The following MACROD2 variants were observed in gnomAD, a reference collection of about 807,000 sequenced individuals.
MACROD2 encodes ADP-ribose glycohydrolase MACROD2.
In MACROD2, 36 loss-of-function variants were observed where a neutral mutation model predicts 70.4. The ratio of observed to expected loss-of-function variants is 0.51; its 90% CI spans 0.39 to 0.68. The LOEUF (loss-of-function observed/expected upper bound fraction) is 0.68, where lower values mean the gene tolerates loss of function less well. MACROD2 is among the 30% of genes least tolerant of loss of function. The pLI is 0.00. For synonymous variants in MACROD2, 172 were observed against 178.8 expected, an observed-to-expected ratio of 0.96 and a Z score of 0.30; for missense variants, 496 against 538.4, an observed-to-expected ratio of 0.92 and a Z score of 0.78.
chr20:15,854,892 T>C (rs530718349), intron 8 of MACROD2, among the ~76,000 whole-genome samples: 2 of 152,330 alleles, frequency 1.3e-5, no homozygotes, highest in African/African-American at 4.8e-5. Context: ...AATTCACTTA[T>C]TAAGCAGCAG....
intron 7 of MACROD2, among the ~76,000 whole-genome samples, chr20:15,457,782 G>A (rs1395972520): frequency 6.6e-6 from 1 of 152,030 alleles, no homozygotes; most frequent in Non-Finnish European, 1.5e-5. Flanking sequence ...CCTAGGAGAT[G>A]CCTGGTGTCC....
rs574527190 is a variant in MACROD2, at chr20:15,474,406, G to T, written c.572-25368G>T. ...CCTTGCACAGCGTTGACATCTGAGCGGGGATAGTGTGAGCAAAAGATAATG... is the reference window on the plus strand; with the variant it reads ...CCTTGCACAGCGTTGACATCTGAGCTGGGATAGTGTGAGCAAAAGATAATG... On this transcript the variant is annotated intron_variant, in intron 7 of 17. Transcript: ENST00000684519. 5.3e-5 allele frequency among the ~76,000 whole-genome samples: 8 copies of T among 152,268 alleles called. No homozygotes were observed. In the South Asian group the frequency reaches 1.7e-3, roughly 32 times the overall value.
intron 6 of MACROD2, among the ~76,000 whole-genome samples, chr20:15,405,936 T>G (rs2045994096): frequency 6.6e-6 from 1 of 152,162 alleles, no homozygotes; most frequent in African/African-American, 2.4e-5. Flanking sequence ...CTCACCAACA[T>G]AACTTCAGCG....
chr20:14,522,742 C>G (rs1193062943), intron 4 of MACROD2, among the ~76,000 whole-genome samples: 2 of 152,174 alleles, frequency 1.3e-5, no homozygotes, highest in Non-Finnish European at 2.9e-5. Flanking sequence ...TCTTCTGGTC[C>G]ATTCTGTGGC....
chr20:15,329,288 G>A (rs1429575778), intron 6 of MACROD2, among the ~76,000 whole-genome samples: 1 of 152,244 alleles, frequency 6.6e-6, no homozygotes, highest in East Asian at 1.9e-4. Context: ...AGGCCCTTTG[G>A]ACTTGTTCAG....
At chr20:14,926,436 G>A (rs1191344283) in intron 5 of MACROD2, among the ~76,000 whole-genome samples, 9 of 151,920 alleles carry the variant, frequency 5.9e-5, no homozygotes, top group Admixed American at 5.9e-4. Flanking sequence ...TGTAGTCCCA[G>A]CTACTCAGGA....
rs1043003075 is a variant in MACROD2 at position 15,332,081 on chromosome 20, G to T, written c.541-99324G>T. 1.6e-4 allele frequency among the ~76,000 whole-genome samples: 25 copies of T among 151,722 alleles called. 2 individuals carry two copies. The highest frequency in any genetic ancestry group is 6.1e-4 in the African/African-American group (25 of 41,094). On this transcript the variant is annotated intron_variant, in intron 6 of 17. Transcript: ENST00000684519. ...ATCAGGATGAGTTCAAAATGCTAAAGAAATGGGTATTGTGTAGGAAATGGG... is the reference window on the plus strand; with the variant it reads ...ATCAGGATGAGTTCAAAATGCTAAATAAATGGGTATTGTGTAGGAAATGGG...
At chr20:15,436,172 T>C (rs1380723347) in intron 7 of MACROD2, among the ~76,000 whole-genome samples, 1 of 152,086 alleles carries the variant, frequency 6.6e-6, no homozygotes, top group African/African-American at 2.4e-5. Context: ...TTACTTCATA[T>C]GTCCTGCATT....
chr20:14,997,854 G>A (rs1008617974), intron 5 of MACROD2, among the ~76,000 whole-genome samples: 1 of 152,120 alleles, frequency 6.6e-6, no homozygotes, highest in African/African-American at 2.4e-5. Flanking sequence ...AGCTATAGGG[G>A]TATTTGTGTC....
chr20:15,286,177 T>C (rs1215256631), intron 6 of MACROD2, among the ~76,000 whole-genome samples: 2 of 152,042 alleles, frequency 1.3e-5, no homozygotes, highest in Non-Finnish European at 2.9e-5. Flanking sequence ...TTTGTAGGGT[T>C]TTTGAGAGGA....
intron 5 of MACROD2, among the ~76,000 whole-genome samples, chr20:15,122,779 A>C (rs2123253236): frequency 6.6e-6 from 1 of 152,284 alleles, no homozygotes; most frequent in Non-Finnish European, 1.5e-5. Flanking sequence ...TCCTTGCCTC[A>C]TGAGGGGGAA....
In MACROD2 at chr20:15,923,881, G is replaced by GCGA. The variant is rs1308364370; in HGVS notation, c.776-9394_776-9392dup. Among the ~76,000 whole-genome samples the GCGA allele has an allele frequency of 2.0e-5, 3 of 152,178 alleles. No homozygotes were observed. The East Asian group carries it at 5.8e-4, about 29-fold the overall frequency. ...ATTTATTCTGGTACAATGTCAAATA[G>GCGA]CGATTAGCAAAACATTTGGCTAAAC... is the stretch of plus-strand genomic sequence containing the variant. On this transcript the variant is annotated intron_variant, in intron 10 of 17. Coordinates refer to ENST00000684519, the MANE Select transcript of MACROD2 (RefSeq NM_001351661.2).
chr20:15,163,685 T>G, intron 5 of MACROD2, among the ~76,000 whole-genome samples: 1 of 152,004 alleles, frequency 6.6e-6, no homozygotes, highest in Non-Finnish European at 1.5e-5. Context: ...ACCCTCAAAT[T>G]AAAACCTTTT....
intron 10 of MACROD2, chr20:15,893,062 A>G: frequency 2.5e-6 from 1 of 398,884 alleles, no homozygotes; most frequent in East Asian, 3.6e-5. Flanking sequence ...AAAGAAACAT[A>G]TTTAATTTTT....
At chr20:14,898,011 C>G (rs2073850814) in intron 5 of MACROD2, among the ~76,000 whole-genome samples, 1 of 152,026 alleles carries the variant, frequency 6.6e-6, no homozygotes, top group Admixed American at 6.6e-5. Context: ...GGTAGGATTT[C>G]AACATATGAA....
At chr20:15,860,521 A>G (rs2064411467) in intron 8 of MACROD2, among the ~76,000 whole-genome samples, 1 of 151,108 alleles carries the variant, frequency 6.6e-6, no homozygotes. Context: ...AGAGTCGTTT[A>G]TGTCTGAGGG....
intron 3 of MACROD2, among the ~76,000 whole-genome samples, chr20:14,483,660 C>A (rs1163401679): frequency 1.3e-5 from 2 of 152,200 alleles, no homozygotes; most frequent in African/African-American, 4.8e-5. Flanking sequence ...CCCGCCTTGG[C>A]CTCCCAAAGT....
intron 4 of MACROD2, among the ~76,000 whole-genome samples, chr20:14,608,998 A>G (rs1318746014): frequency 6.6e-6 from 1 of 152,144 alleles, no homozygotes; most frequent in Admixed American, 6.6e-5. Context: ...AGAGAATTGA[A>G]GGACAGGGGA....
intron 6 of MACROD2, among the ~76,000 whole-genome samples, chr20:15,340,378 C>T (rs2078098214): frequency 6.6e-6 from 1 of 151,754 alleles, no homozygotes; most frequent in South Asian, 2.1e-4. Context: ...CCTCATGATC[C>T]ATCCGCCTCG....
Sources: gnomAD v4.1 joint callset for allele counts (sites outside exome capture counted in the v4.1 genomes callset) on GRCh38, gnomAD v4.1.1 for gene constraint, MANE v1.5 for transcripts, NCBI Gene and HGNC (gene_info 2026-07-23, HGNC 2026-07-21) for gene names.